Variants in VWA8 observed in about 807,000 individuals in gnomAD.
The protein encoded by VWA8 is von Willebrand factor A domain containing 8.
In VWA8, 221 loss-of-function variants were observed where a neutral mutation model predicts 241.5. The ratio of observed to expected loss-of-function variants is 0.91; its 90% confidence interval spans 0.82 to 1.02. VWA8 has a LOEUF of 1.02. Among genes scored for constraint, VWA8 ranks in the 50% least tolerant of loss-of-function variants. VWA8 has a pLI of 0.00. For missense variants in VWA8, 2,322 were observed against 2,328.7 expected (o/e 1.00, Z 0.06); for synonymous variants, 852 against 827.1 (o/e 1.03, Z -0.52).
intron 2 of VWA8, among the ~76,000 whole-genome samples, chr13:41,931,684 T>C (rs898867460): frequency 1.3e-5 from 2 of 151,820 alleles, no homozygotes; most frequent in Non-Finnish European, 2.9e-5. Flanking sequence ...CATCATGTTA[T>C]ATGTTACATA....
At position 41,886,754 on chromosome 13, in the gene VWA8, T is replaced by C. The variant is rs773876056; in HGVS notation, c.866+27A>G. The C allele has an allele frequency of 1.7e-5, 27 of 1,557,918 alleles. 1 individual carries two copies. The South Asian group carries it at 3.2e-4, about 19-fold the overall frequency. ...GGCAAAACAAATTCAATATTCAGTGTCCAGACATTTATAAAAATATACTTA... is the reference window on the plus strand; with the variant it reads ...GGCAAAACAAATTCAATATTCAGTGCCCAGACATTTATAAAAATATACTTA... On this transcript the variant is annotated intron_variant, in intron 7 of 44. Coordinates refer to ENST00000379310, the MANE Select transcript of VWA8 (RefSeq NM_015058.2).
At chr13:41,908,678 G>A (rs577986974) in intron 3 of VWA8, among the ~76,000 whole-genome samples, 2 of 152,246 alleles carry the variant, frequency 1.3e-5, no homozygotes, top group East Asian at 1.9e-4. Context: ...AAGAGGAAAC[G>A]ATGCAGAATT....
At chr13:41,677,716 T>G (rs1201668498) in intron 35 of VWA8, among the ~76,000 whole-genome samples, 1 of 152,198 alleles carries the variant, frequency 6.6e-6, no homozygotes, top group East Asian at 1.9e-4. Flanking sequence ...TTTAAGATTT[T>G]TGTCTGTTTC....
intron 5 of VWA8, 111 bp downstream of exon 5, chr13:41,891,308 AG>A: frequency 2.4e-6 from 3 of 1,272,912 alleles, no homozygotes; most frequent in Non-Finnish European, 3.3e-6. Flanking sequence ...ACCCAAGATA[AG>A]GGCCATCTGA....
intron 14 of VWA8, among the ~76,000 whole-genome samples, chr13:41,829,547 ACACACACACACACACACACATG>A (rs1398460506): frequency 4.9e-5 from 7 of 142,654 alleles, no homozygotes; most frequent in Non-Finnish European, 1.1e-4. Flanking sequence ...ACACACACAC[ACACACACACACACACACACATG>A]CACACACACA....
chr13:41,620,854 T>C (rs1468009630), intron 37 of VWA8, among the ~76,000 whole-genome samples: 3 of 152,218 alleles, frequency 2.0e-5, no homozygotes, highest in Non-Finnish European at 2.9e-5. Context: ...CTGGTAAACT[T>C]TGGCAAGTCA....
intron 34 of VWA8, among the ~76,000 whole-genome samples, chr13:41,687,578 A>T (rs145313751): frequency 0.011 from 1,623 of 152,232 alleles, 13 homozygotes; most frequent in Middle Eastern, 0.02. Flanking sequence ...CTCAAATTCC[A>T]TTGCTTATAA....
At chr13:41,942,839 G>A (rs1222562736) in intron 2 of VWA8, among the ~76,000 whole-genome samples, 1 of 152,254 alleles carries the variant, frequency 6.6e-6, no homozygotes, top group African/African-American at 2.4e-5. Context: ...ATGGTACTGG[G>A]GCCAGATAGC....
chr13:41,887,598 A>G (rs927427163), intron 5 of VWA8, among the ~76,000 whole-genome samples: 17 of 152,210 alleles, frequency 1.1e-4, no homozygotes, highest in Non-Finnish European at 2.4e-4. Context: ...ACCAAGGAAT[A>G]AAGGAGACTT....
At chr13:41,926,522 A>T (rs1876849078) in intron 2 of VWA8, 1 of 537,316 alleles carries the variant, frequency 1.9e-6, no homozygotes, top group South Asian at 1.4e-5. Flanking sequence ...CACCAAGCAG[A>T]TTTATGAAAC....
In VWA8 at chr13:41,719,492, T is replaced by C; in HGVS notation, c.3116+99A>G. ...TACATGTATTTGAAAAGCTTACTCATGGAAAGTAATTTCCATAGCAACTCA... is the reference window on the plus strand; with the variant it reads ...TACATGTATTTGAAAAGCTTACTCACGGAAAGTAATTTCCATAGCAACTCA... On this transcript the variant is annotated intron_variant, in intron 26 of 44. Coordinates refer to ENST00000379310, the MANE Select transcript of VWA8 (RefSeq NM_015058.2). The C allele has an allele frequency of 1.9e-6, 3 of 1,581,994 alleles. No homozygotes were observed. The South Asian group carries it at 3.5e-5, about 19-fold the overall frequency.
At chr13:41,798,258 A>G (rs1159764700) in intron 17 of VWA8, among the ~76,000 whole-genome samples, 1 of 152,208 alleles carries the variant, frequency 6.6e-6, no homozygotes, top group Admixed American at 6.5e-5. Context: ...ATTTAACAAT[A>G]TATTTGCCTA....
intron 32 of VWA8, 74 bp downstream of exon 32, chr13:41,691,246 T>A (rs1215264548): frequency 4.0e-6 from 6 of 1,514,162 alleles, no homozygotes; most frequent in Admixed American, 1.9e-5. Context: ...GACAGAACAG[T>A]AAAGATGTTG....
At chr13:41,876,567 T>C (rs1379035585) in intron 9 of VWA8, among the ~76,000 whole-genome samples, 1 of 152,142 alleles carries the variant, frequency 6.6e-6, no homozygotes, top group Non-Finnish European at 1.5e-5. Flanking sequence ...TCAATTGATA[T>C]ATTATATACT....
Position 41,926,714 on chromosome 13 carries a change from T to C in VWA8, c.242-14546A>G, listed in dbSNP as rs957141557. 1.1e-5 allele frequency: 6 copies of C among 536,328 alleles called. No individual in the cohort carries two copies. The East Asian group carries it at 1.5e-4, about 13-fold the overall frequency. 33.2% of individuals were successfully genotyped at this position (536,328 alleles called of 1,614,324 possible). A position where few individuals can be genotyped will look rare whatever the true frequency, so the allele number is the denominator to read the frequency against. ...GGTCAGCTACCACCCAGATGGCCCATAGGGCCAGGCCTATGATACTGACTT... is the reference window on the plus strand; with the variant it reads ...GGTCAGCTACCACCCAGATGGCCCACAGGGCCAGGCCTATGATACTGACTT... On this transcript the variant is annotated intron_variant, in intron 2 of 44. Coordinates refer to ENST00000379310, the MANE Select transcript of VWA8 (RefSeq NM_015058.2).
chr13:41,839,838 T>C (rs1424603244), intron 12 of VWA8, among the ~76,000 whole-genome samples: 1 of 152,192 alleles, frequency 6.6e-6, no homozygotes, highest in Non-Finnish European at 1.5e-5. Flanking sequence ...TCCTTAGAAT[T>C]GTCTTGGCTA....
At chr13:41,682,342 G>C (rs939256799) in intron 35 of VWA8, among the ~76,000 whole-genome samples, 7 of 152,124 alleles carry the variant, frequency 4.6e-5, no homozygotes, top group Admixed American at 3.3e-4. Context: ...TTAAAATAAA[G>C]AGCCTCAGTC....
intron 9 of VWA8, among the ~76,000 whole-genome samples, chr13:41,882,729 G>T (rs1874308241): frequency 6.6e-6 from 1 of 152,200 alleles, no homozygotes; most frequent in Non-Finnish European, 1.5e-5. Flanking sequence ...AGGCAGGGAG[G>T]TTGCAGTGAG....
chr13:41,932,867 T>G (rs1877187720), intron 2 of VWA8, among the ~76,000 whole-genome samples: 1 of 151,948 alleles, frequency 6.6e-6, no homozygotes, highest in African/African-American at 2.4e-5. Flanking sequence ...TACTTAAAAA[T>G]GAAAGACTAA....
Sources: allele counts gnomAD v4.1 joint callset (sites outside exome capture counted in the v4.1 genomes callset), GRCh38; gene constraint gnomAD v4.1.1; transcripts MANE v1.5; gene names NCBI Gene and HGNC (gene_info 2026-07-23, HGNC 2026-07-21).